Variants in DNAJC1 observed in about 807,000 individuals in gnomAD.
DNAJC1 encodes DnaJ heat shock protein family (Hsp40) member C1, also known as dnaJ homolog subfamily C member 1.
DNAJC1 carries 58 observed loss-of-function variants against 76.6 expected under a neutral mutation model. The observed-to-expected ratio is 0.76, with a 90% confidence interval of 0.61 to 0.94. The LOEUF is 0.94. Among genes scored for constraint, DNAJC1 ranks in the 40% least tolerant of loss-of-function variants. DNAJC1 has a pLI of 0.00. For missense variants in DNAJC1, 689 were observed against 677.3 expected (o/e 1.02, Z -0.19); for synonymous variants, 258 against 267.9 (o/e 0.96, Z 0.36).
intron 7 of DNAJC1, among the ~76,000 whole-genome samples, chr10:21,890,249 C>A (rs1836439345): frequency 6.6e-6 from 1 of 151,818 alleles, no homozygotes; most frequent in South Asian, 2.1e-4. Flanking sequence ...CCTGTCTCTA[C>A]TAAAAATATG....
intron 8 of DNAJC1, among the ~76,000 whole-genome samples, chr10:21,860,212 A>G (rs541230636): frequency 1.3e-5 from 2 of 151,992 alleles, no homozygotes; most frequent in Non-Finnish European, 2.9e-5. Flanking sequence ...ATGACAGCAG[A>G]TCCAAAACAA....
At chr10:21,859,620 G>T (rs987837377) in intron 8 of DNAJC1, among the ~76,000 whole-genome samples, 2 of 151,702 alleles carry the variant, frequency 1.3e-5, no homozygotes, top group African/African-American at 4.8e-5. Flanking sequence ...TAGACATAGG[G>T]GTTACATAGA....
chr10:21,969,980 C>A (rs1232591076), intron 1 of DNAJC1, among the ~76,000 whole-genome samples: 1 of 152,044 alleles, frequency 6.6e-6, no homozygotes, highest in African/African-American at 2.4e-5. Context: ...TTATTCAGTT[C>A]CTGATTTTCT....
rs1022466480 is a variant in DNAJC1 at position 21,987,724 on chromosome 10, A to G, written c.222+15489T>C. 3.2e-4 allele frequency among the ~76,000 whole-genome samples: 48 copies of G among 152,322 alleles called. 2 individuals are homozygous for G. The highest frequency in any genetic ancestry group is 4.1e-4 in the South Asian group (2 of 4,828). ...CTCATAAACATGAAAACATTTGTTA[A>G]TTTATCCAATGTGTTTTAATTGTAC... On this transcript the variant is annotated intron_variant, in intron 1 of 11. Transcript: ENST00000376980.
intron 7 of DNAJC1, among the ~76,000 whole-genome samples, chr10:21,898,795 T>G (rs1432574073): frequency 2.0e-5 from 3 of 151,624 alleles, no homozygotes; most frequent in East Asian, 1.9e-4. Flanking sequence ...GAATATACTA[T>G]ACTTCCTAAC....
At chr10:21,808,484 T>C (rs1010981624) in intron 8 of DNAJC1, among the ~76,000 whole-genome samples, 3 of 152,172 alleles carry the variant, frequency 2.0e-5, no homozygotes, top group Admixed American at 2.0e-4. Flanking sequence ...CCATAATTTT[T>C]ATTATTAATA....
At chr10:21,767,813 T>G (rs989415083) in intron 9 of DNAJC1, among the ~76,000 whole-genome samples, 1 of 152,060 alleles carries the variant, frequency 6.6e-6, no homozygotes, top group Admixed American at 6.5e-5. Context: ...CTGGTCAATA[T>G]AGCAAAACCT....
At chr10:21,957,039 C>G (rs1837699695) in intron 1 of DNAJC1, among the ~76,000 whole-genome samples, 1 of 151,724 alleles carries the variant, frequency 6.6e-6, no homozygotes, top group African/African-American at 2.4e-5. Flanking sequence ...TTACAGGTAC[C>G]CGCCACCGCA....
At chr10:21,862,043 C>T (rs555136489) in intron 8 of DNAJC1, among the ~76,000 whole-genome samples, 18 of 152,034 alleles carry the variant, frequency 1.2e-4, no homozygotes, top group African/African-American at 1.9e-4. Context: ...CTCTGCCTCC[C>T]GAGTAGCTAG....
At chr10:21,962,106 T>C (rs895424100) in intron 1 of DNAJC1, among the ~76,000 whole-genome samples, 2 of 152,152 alleles carry the variant, frequency 1.3e-5, no homozygotes, top group African/African-American at 2.4e-5. Flanking sequence ...TTCCTATCCC[T>C]CTTCTCTGCT....
intron 8 of DNAJC1, among the ~76,000 whole-genome samples, chr10:21,818,960 T>C (rs763882693): frequency 1.8e-4 from 28 of 152,208 alleles, no homozygotes; most frequent in Non-Finnish European, 3.4e-4. Context: ...GAAGAGTAAA[T>C]TGAAGGAAAC....
At chr10:21,994,588 A>G (rs1055512960) in intron 1 of DNAJC1, among the ~76,000 whole-genome samples, 2 of 152,130 alleles carry the variant, frequency 1.3e-5, no homozygotes, top group African/African-American at 4.8e-5. Flanking sequence ...GGAGATCAAG[A>G]CCATTCTGGC....
rs545241489 is a variant in DNAJC1 at position 21,898,420 on chromosome 10, G to A, written c.820+6102C>T. ...TGGCGCAATGCATTACTCATGTGTC[G>A]TAGTGATGCTGGTATAAACCCACTG... On this transcript the variant is annotated intron_variant, in intron 7 of 11. Transcript: ENST00000376980. 7.4e-4 allele frequency among the ~76,000 whole-genome samples: 113 copies of A among 152,232 alleles called. 1 individual carries two copies. The highest frequency in any genetic ancestry group is 2.6e-3 in the African/African-American group (109 of 41,536).
At chr10:21,919,743 TG>T in intron 5 of DNAJC1, 88 bp downstream of exon 5, 1 of 865,046 alleles carries the variant, frequency 1.2e-6, no homozygotes, top group Non-Finnish European at 1.8e-6. Flanking sequence ...TGAGAGCACA[TG>T]TAAATAGACA....
intron 8 of DNAJC1, among the ~76,000 whole-genome samples, chr10:21,851,977 C>T (rs1276309730): frequency 2.6e-5 from 4 of 151,674 alleles, no homozygotes; most frequent in Non-Finnish European, 4.4e-5. Flanking sequence ...GGTGTGAACC[C>T]GGGAGGCGGA....
intron 3 of DNAJC1, among the ~76,000 whole-genome samples, chr10:21,927,255 G>A (rs1837143231): frequency 6.6e-6 from 1 of 152,170 alleles, no homozygotes; most frequent in African/African-American, 2.4e-5. Flanking sequence ...GAATCCCTGT[G>A]CTTTGCAATC....
intron 8 of DNAJC1, among the ~76,000 whole-genome samples, chr10:21,873,477 T>G (rs1250517312): frequency 6.6e-6 from 1 of 151,900 alleles, no homozygotes. Flanking sequence ...TCAAAAGTGG[T>G]GAAAAAAAAT....
rs1038714859 is a variant in DNAJC1 at position 21,865,100 on chromosome 10, C to T, written c.978+17182G>A. 1.4e-4 allele frequency among the ~76,000 whole-genome samples: 21 copies of T among 152,120 alleles called. 1 individual carries two copies. The highest frequency in any genetic ancestry group is 1.1e-3 in the Admixed American group (17 of 15,276). On this transcript the variant is annotated intron_variant, in intron 8 of 11. Coordinates refer to ENST00000376980, the MANE Select transcript of DNAJC1 (RefSeq NM_022365.4). ...GCCAGGATGTGGAGCAATTGCACTTCTCACACACTGCTGGTGGGAATGTAA... is the reference window on the plus strand; with the variant it reads ...GCCAGGATGTGGAGCAATTGCACTTTTCACACACTGCTGGTGGGAATGTAA...
chr10:21,769,892 G>C (rs1273505237), intron 9 of DNAJC1, among the ~76,000 whole-genome samples: 1 of 152,034 alleles, frequency 6.6e-6, no homozygotes, highest in Non-Finnish European at 1.5e-5. Context: ...CTCCATGTTG[G>C]TCAGGCTGGT....
Sources: gnomAD v4.1 joint callset for allele counts (sites outside exome capture counted in the v4.1 genomes callset) on GRCh38, gnomAD v4.1.1 for gene constraint, MANE v1.5 for transcripts, NCBI Gene and HGNC (gene_info 2026-07-23, HGNC 2026-07-21) for gene names.